The following CHCHD3 variants were observed in gnomAD, a reference collection of about 807,000 sequenced individuals.
CHCHD3 encodes MICOS complex subunit MIC19.
A neutral mutation model predicts 38.2 loss-of-function variants in CHCHD3; 20 were observed. The ratio of observed to expected loss-of-function variants is 0.52; its 90% CI spans 0.37 to 0.76. The LOEUF is 0.76. Among genes scored for constraint, CHCHD3 ranks in the 30% least tolerant of loss-of-function variants. CHCHD3 has a pLI of 0.00. For synonymous variants in CHCHD3, 82 were observed against 100.0 expected (o/e 0.82, Z 1.07); for missense variants, 245 against 279.2 (o/e 0.88, Z 0.87).
chr7:132,947,332 TTTCC>T (rs1810924879), intron 4 of CHCHD3, among the ~76,000 whole-genome samples: 1 of 152,038 alleles, frequency 6.6e-6, no homozygotes, highest in East Asian at 1.9e-4. Context: ...ACTAATTTCT[TTTCC>T]TTCCTTCCTT....
chr7:132,965,599 A>G (rs777309264), intron 4 of CHCHD3, among the ~76,000 whole-genome samples: 1 of 152,232 alleles, frequency 6.6e-6, no homozygotes, highest in Non-Finnish European at 1.5e-5. Context: ...GCAATGAGTT[A>G]CCTGTGTTCC....
chr7:132,892,183 G>A (rs1034658971), intron 4 of CHCHD3, among the ~76,000 whole-genome samples: 4 of 152,196 alleles, frequency 2.6e-5, no homozygotes, highest in Non-Finnish European at 4.4e-5. Flanking sequence ...GAAGATATGG[G>A]AAAGTCTGGA....
At chr7:132,928,920 A>G (rs1810449298) in intron 4 of CHCHD3, among the ~76,000 whole-genome samples, 1 of 151,618 alleles carries the variant, frequency 6.6e-6, no homozygotes, top group African/African-American at 2.4e-5. Context: ...CCCTCCTCAA[A>G]TCCTGAGATT....
At chr7:132,809,404 GTCTA>G (rs1807010004) in intron 6 of CHCHD3, among the ~76,000 whole-genome samples, 1 of 152,042 alleles carries the variant, frequency 6.6e-6, no homozygotes, top group South Asian at 2.1e-4. Context: ...CTTTCAAATA[GTCTA>G]TCTGCCTCAG....
intron 3 of CHCHD3, among the ~76,000 whole-genome samples, chr7:133,018,753 T>C (rs1019713477): frequency 6.6e-6 from 1 of 152,008 alleles, no homozygotes; most frequent in Non-Finnish European, 1.5e-5. Flanking sequence ...ATACATAATA[T>C]AGAACTGCAC....
chr7:133,009,820 C>T (rs1207088031), intron 3 of CHCHD3, among the ~76,000 whole-genome samples: 3 of 152,036 alleles, frequency 2.0e-5, no homozygotes, highest in East Asian at 3.8e-4. Flanking sequence ...TTGTTCATGT[C>T]GTTTCAAATT....
intron 4 of CHCHD3, among the ~76,000 whole-genome samples, chr7:132,895,058 C>T (rs1470685585): frequency 1.3e-5 from 2 of 152,286 alleles, no homozygotes; most frequent in South Asian, 4.1e-4. Flanking sequence ...CATTAACCAG[C>T]ATGATAAATG....
At chr7:133,030,095 T>C (rs923147218) in intron 2 of CHCHD3, among the ~76,000 whole-genome samples, 32 of 151,406 alleles carry the variant, frequency 2.1e-4, no homozygotes, top group African/African-American at 7.8e-4. Context: ...AATGAGAAGT[T>C]AAAATAACAG....
At chr7:133,038,674 A>C (rs1490733843) in intron 2 of CHCHD3, among the ~76,000 whole-genome samples, 1 of 152,224 alleles carries the variant, frequency 6.6e-6, no homozygotes, top group Non-Finnish European at 1.5e-5. Flanking sequence ...GCTAAGTCAG[A>C]TATAAGGAAT....
intron 2 of CHCHD3, among the ~76,000 whole-genome samples, chr7:133,046,105 A>C (rs1035015779): frequency 1.2e-4 from 19 of 152,238 alleles, no homozygotes; most frequent in African/African-American, 4.1e-4. Flanking sequence ...GTTTGCATAT[A>C]TTTTTGCTTT....
chr7:132,877,088 T>C (rs550548815), intron 5 of CHCHD3, among the ~76,000 whole-genome samples: 81 of 152,230 alleles, frequency 5.3e-4, no homozygotes, highest in African/African-American at 1.6e-3. Flanking sequence ...TTTGCAAATC[T>C]TTCCTCTAAA....
Position 132,975,066 on chromosome 7 carries a change from A to G in CHCHD3, c.369+103T>C, listed in dbSNP as rs1378805323. ...AAATCTGAGCAAAGAGAACATGAAT[A>G]ATATTATCAACACTAAAAGCTGGCA... is the stretch of plus-strand genomic sequence containing the variant. On this transcript the variant is annotated intron_variant, in intron 4 of 7. Coordinates refer to ENST00000262570, the MANE Select transcript of CHCHD3 (RefSeq NM_017812.4). 1.4e-5 allele frequency: 12 copies of G among 880,158 alleles called. No individual in the cohort carries two copies. In the East Asian group the frequency reaches 2.4e-4, roughly 18 times the overall value. The allele number at this position is 880,158 out of a possible 1,614,324, so 54.5% of individuals were successfully genotyped here.
At chr7:133,034,535 G>GTTTAGTTTTCTTTAAT in intron 2 of CHCHD3, 1 of 160,828 alleles carries the variant, frequency 6.2e-6, no homozygotes. Context: ...TTTTTTCAAT[G>GTTTAGTTTTCTTTAAT]TTCAGTTTCC....
intron 2 of CHCHD3, among the ~76,000 whole-genome samples, chr7:133,067,460 T>C (rs1274298994): frequency 6.6e-6 from 1 of 152,196 alleles, no homozygotes; most frequent in East Asian, 1.9e-4. Flanking sequence ...TTACAAACCA[T>C]TTGCTCCCTT....
intron 5 of CHCHD3, among the ~76,000 whole-genome samples, chr7:132,862,981 C>T (rs774725051): frequency 1.3e-5 from 2 of 152,214 alleles, no homozygotes; most frequent in African/African-American, 4.8e-5. Context: ...CCTTCCTCCA[C>T]TGAAGTGTTG....
Position 133,059,859 on chromosome 7 carries a change from C to T in CHCHD3, c.169+10283G>A, listed in dbSNP as rs150646761. ...GGCTTCATTATCTGATTTGCTTTAG[C>T]TCACGCATTCCACAAACATTTATGA... is the stretch of plus-strand genomic sequence containing the variant. On this transcript the variant is annotated intron_variant, in intron 2 of 7. Transcript: ENST00000262570. 7.5e-4 allele frequency among the ~76,000 whole-genome samples: 114 copies of T among 152,294 alleles called. 1 individual carries two copies. The highest frequency in any genetic ancestry group is 2.7e-3 in the African/African-American group (111 of 41,562).
At chr7:133,050,534 G>C (rs71535717) in intron 2 of CHCHD3, among the ~76,000 whole-genome samples, 1 of 151,906 alleles carries the variant, frequency 6.6e-6, no homozygotes, top group Non-Finnish European at 1.5e-5. Context: ...AAATGATTCA[G>C]AAGACTTGGG....
At chr7:132,913,167 C>T (rs1052811284) in intron 4 of CHCHD3, among the ~76,000 whole-genome samples, 7 of 152,220 alleles carry the variant, frequency 4.6e-5, no homozygotes, top group Admixed American at 3.3e-4. Context: ...AATCCACCTT[C>T]CATTTCCTCT....
intron 3 of CHCHD3, among the ~76,000 whole-genome samples, chr7:133,021,282 A>G (rs1015676276): frequency 6.6e-6 from 1 of 152,210 alleles, no homozygotes; most frequent in African/African-American, 2.4e-5. Flanking sequence ...TTGCAGCAAT[A>G]TATTTCATAG....
Sources: gnomAD v4.1 joint callset for allele counts (sites outside exome capture counted in the v4.1 genomes callset) on GRCh38, gnomAD v4.1.1 for gene constraint, MANE v1.5 for transcripts, NCBI Gene and HGNC (gene_info 2026-07-23, HGNC 2026-07-21) for gene names.